RTF1: variants seen among roughly 807,000 people sequenced by gnomAD.
RTF1 encodes RTF1 homolog, Paf1/RNA polymerase II complex component, also known as RNA polymerase-associated protein RTF1 homolog.
A neutral mutation model predicts 95.7 loss-of-function variants in RTF1; 10 were observed. The observed-to-expected ratio is 0.10, with a 90% CI of 0.06 to 0.18. The LOEUF (loss-of-function observed/expected upper bound fraction) is 0.18. Among genes scored for constraint, RTF1 ranks in the 10% least tolerant of loss-of-function variants. RTF1 has a pLI of 1.00. For synonymous variants in RTF1, 305 were observed against 311.8 expected (o/e 0.98, Z 0.23); for missense variants, 458 against 875.6 (o/e 0.52, Z 6.02).
intron 1 of RTF1, among the ~76,000 whole-genome samples, chr15:41,435,805 A>T (rs2050698761): frequency 6.6e-6 from 1 of 152,192 alleles, no homozygotes; most frequent in Admixed American, 6.6e-5. Context: ...CCATAATTGT[A>T]TAGCACCATC....
chr15:41,445,324 G>A (rs1031205119), intron 2 of RTF1, among the ~76,000 whole-genome samples: 17 of 152,116 alleles, frequency 1.1e-4, no homozygotes, highest in African/African-American at 3.9e-4. Flanking sequence ...TTAAGATCTC[G>A]TTGCAAGAAT....
Position 41,481,241 on chromosome 15 carries a change from T to G in RTF1, c.*554T>G. The stretch of plus-strand genomic sequence containing the variant: ...AGTTTAGTTTCCAAAAAGTGTACAT[T>G]TGTGGGGGGGGGGGGTCTAATTTGA... On this transcript the variant is annotated 3_prime_UTR_variant, in exon 18 of 18. Transcript: ENST00000389629. 1 of 81,170 alleles carries G rather than the reference T, an allele frequency of 1.2e-5. No individual in the cohort carries two copies. Among genetic ancestry groups the G allele is most frequent in the Non-Finnish European group, 2.7e-5 (1 of 37,688 alleles). The allele number at this position is 81,170 out of a possible 1,614,324, so 5.0% of individuals were successfully genotyped here.
chr15:41,479,307 G>C (rs1000117666), intron 16 of RTF1, 109 bp downstream of exon 16: 4 of 685,774 alleles, frequency 5.8e-6, no homozygotes, highest in Non-Finnish European at 1.0e-5. Context: ...GGAACAGGGA[G>C]TCCCTCTTGG....
chr15:41,455,833 G>A (rs2050811742), intron 3 of RTF1, among the ~76,000 whole-genome samples: 1 of 151,282 alleles, frequency 6.6e-6, no homozygotes, highest in Non-Finnish European at 1.5e-5. Context: ...AGGGAGTGAG[G>A]GTTAAAAGAG....
intron 2 of RTF1, among the ~76,000 whole-genome samples, chr15:41,439,036 C>A (rs1199579590): frequency 1.1e-5 from 1 of 92,284 alleles, no homozygotes; most frequent in Non-Finnish European, 2.2e-5. Context: ...CTTTTATTTT[C>A]TTTTTTTTTT....
intron 6 of RTF1, among the ~76,000 whole-genome samples, chr15:41,466,700 T>C (rs1304933709): frequency 2.6e-5 from 4 of 152,238 alleles, no homozygotes; most frequent in Non-Finnish European, 5.9e-5. Flanking sequence ...ACAAGACCAC[T>C]TGAATCAGGA....
Position 41,417,194 on chromosome 15 carries a change from G to A in RTF1, c.79G>A (p.Gly27Arg), listed in dbSNP as rs866200413. Residue 27 changes from glycine (G) to arginine (R), a missense_variant, in exon 1 of 18, where the codon GGG (glycine) becomes AGG (arginine). Gly to Arg is a moderately radical substitution (Grantham distance 125). Coordinates refer to ENST00000389629, the MANE Select transcript of RTF1 (RefSeq NM_015138.5). ...GGTCCCACTGGCAGGCGGGCAAGAG[G>A]GGAGTCCGGGCGGCGGCCGGCGTGG... ...VAVPLAGGQE[G>R]SPGGGRRGSR... 7.1e-6 allele frequency: 9 copies of A among 1,264,364 alleles called. No individual in the cohort carries two copies. Among genetic ancestry groups the A allele is most frequent in the African/African-American group, 4.6e-5 (3 of 64,734 alleles). 78.3% of individuals were successfully genotyped at this position (1,264,364 alleles called of 1,614,324 possible).
chr15:41,441,206 T>C lies in RTF1; in HGVS notation c.309+2775T>C, dbSNP rs186743178. Among the ~76,000 whole-genome samples, 258 of 149,890 alleles carry C rather than the reference T, an allele frequency of 1.7e-3. 4 individuals are homozygous for C. In the East Asian group the frequency reaches 0.041, roughly 24 times the overall value. ...CAGGATGGTCTCTATCTCCTGACCT[T>C]GTGATCCGCCCGCCTCGGCCTCCCA... On this transcript the variant is annotated intron_variant, in intron 2 of 17. Coordinates refer to ENST00000389629, the MANE Select transcript of RTF1 (RefSeq NM_015138.5).
intron 8 of RTF1, among the ~76,000 whole-genome samples, chr15:41,473,593 C>T (rs2050926689): frequency 6.6e-6 from 1 of 151,946 alleles, no homozygotes; most frequent in African/African-American, 2.4e-5. Flanking sequence ...GATAGGATCT[C>T]GCCCTGTTGC....
At chr15:41,446,777 T>G (rs2050765543) in intron 2 of RTF1, among the ~76,000 whole-genome samples, 1 of 151,938 alleles carries the variant, frequency 6.6e-6, no homozygotes, top group Admixed American at 6.6e-5. Flanking sequence ...CTAATCCCAG[T>G]GTAGTTTGTC....
chr15:41,437,443 C>A (rs1346935591), intron 1 of RTF1, among the ~76,000 whole-genome samples: 6 of 151,910 alleles, frequency 3.9e-5, no homozygotes, highest in Admixed American at 2.6e-4. Flanking sequence ...TTGTAGTAAG[C>A]CGAGGTCGCA....
At chr15:41,480,468 G>T (rs1231653861) in intron 17 of RTF1, 113 bp from the exon 18 acceptor site, 2 of 953,654 alleles carry the variant, frequency 2.1e-6, no homozygotes, top group Admixed American at 1.9e-5. Flanking sequence ...ACAGGCTGTG[G>T]GTATGGTGAG....
chr15:41,446,266 G>A (rs1457550494), intron 2 of RTF1, among the ~76,000 whole-genome samples: 2 of 152,050 alleles, frequency 1.3e-5, no homozygotes, highest in Non-Finnish European at 2.9e-5. Context: ...TGAGAGAACA[G>A]ACTCACAGAA....
At chr15:41,469,388 T>C (rs1436490085) in intron 6 of RTF1, among the ~76,000 whole-genome samples, 1 of 152,106 alleles carries the variant, frequency 6.6e-6, no homozygotes, top group Non-Finnish European at 1.5e-5. Flanking sequence ...TCCTGGTTTG[T>C]TTTTTGTATT....
intron 8 of RTF1, 23 bp downstream of exon 8, chr15:41,471,372 A>G (rs2050910666): frequency 6.3e-7 from 1 of 1,594,340 alleles, no homozygotes; most frequent in Admixed American, 1.8e-5. Context: ...TCCCTTGGAC[A>G]ATTGTCCATG....
chr15:41,480,217 C>A lies in RTF1; in HGVS notation c.1918C>A (p.Gln640Lys). 5 of 1,605,022 alleles carry A rather than the reference C, an allele frequency of 3.1e-6. No individual in the cohort carries two copies. Among genetic ancestry groups the A allele is most frequent in the South Asian group, 1.1e-5 (1 of 90,852 alleles). Reference protein sequence around the residue: ...PDAPKEMSKGQGKDKDLNSKS... With the variant: ...PDAPKEMSKGKGKDKDLNSKS... ...AGCTTTCCTCTTCACATTCCAGGGT[C>A]AAGGCAAAGATAAAGATTTGAATTC... The change falls in exon 17 of 18, where the codon CAA becomes AAA. Residue 640 changes from glutamine to lysine, a missense_variant. Gln to Lys is a moderately conservative substitution (Grantham distance 53, BLOSUM62 1). Transcript: ENST00000389629.
At chr15:41,420,293 T>C in intron 1 of RTF1, among the ~76,000 whole-genome samples, 1 of 152,174 alleles carries the variant, frequency 6.6e-6, no homozygotes, top group East Asian at 1.9e-4. Flanking sequence ...TCCCTGCACA[T>C]CCTAACAGGG....
Position 41,438,449 on chromosome 15 carries a change from C to A in RTF1, c.309+18C>A. The A allele has an allele frequency of 6.6e-7, 1 of 1,516,746 alleles. No homozygotes were observed. The highest frequency in any genetic ancestry group is 1.2e-5 in the South Asian group (1 of 82,998). The allele number at this position is 1,516,746 out of a possible 1,614,324, so 94.0% of individuals were successfully genotyped here. On this transcript the variant is annotated intron_variant, in intron 2 of 17. Coordinates refer to ENST00000389629, the MANE Select transcript of RTF1 (RefSeq NM_015138.5). ...ACGATGAGGTGGGTGTGGAGGGCCTCGGCTTCTGGGACCATTAGATAGTTG... is the reference window on the plus strand; with the variant it reads ...ACGATGAGGTGGGTGTGGAGGGCCTAGGCTTCTGGGACCATTAGATAGTTG...
intron 2 of RTF1, among the ~76,000 whole-genome samples, chr15:41,451,295 A>G (rs1298806000): frequency 6.6e-6 from 1 of 152,228 alleles, no homozygotes; most frequent in Admixed American, 6.5e-5. Context: ...GGTAATTAGA[A>G]TAAAGTTTCT....
Sources: gnomAD v4.1 joint callset for allele counts (sites outside exome capture counted in the v4.1 genomes callset) on GRCh38, gnomAD v4.1.1 for gene constraint, MANE v1.5 for transcripts, NCBI Gene and HGNC (gene_info 2026-07-23, HGNC 2026-07-21) for gene names.